Variants in SUPT3H observed in about 807,000 individuals in gnomAD.
SUPT3H encodes SPT3 homolog, SAGA and STAGA complex component.
In SUPT3H, 44 loss-of-function variants were observed where a neutral mutation model predicts 44.3. The observed-to-expected ratio is 0.99, with a 90% CI of 0.78 to 1.28. The LOEUF (loss-of-function observed/expected upper bound fraction) is 1.28. SUPT3H is among the 50% of genes most tolerant of loss of function. The pLI, the probability that SUPT3H is intolerant of heterozygous loss-of-function variation, is 0.00. For synonymous variants in SUPT3H, 124 were observed against 125.6 expected (o/e 0.99, Z 0.09); for missense variants, 380 against 387.1 (o/e 0.98, Z 0.15).
intron 10 of SUPT3H, among the ~76,000 whole-genome samples, chr6:44,857,564 C>CT (rs1401003979): frequency 6.6e-6 from 1 of 152,174 alleles, no homozygotes; most frequent in Admixed American, 6.5e-5. Context: ...TCCAGCTCTT[C>CT]TACAATGATT....
At chr6:45,229,235 A>G (rs965247482) in intron 2 of SUPT3H, among the ~76,000 whole-genome samples, 1 of 152,036 alleles carries the variant, frequency 6.6e-6, no homozygotes, top group African/African-American at 2.4e-5. Flanking sequence ...TGCAGTAACC[A>G]TTTTTACCAA....
At chr6:45,042,590 C>T (rs1788714630) in intron 3 of SUPT3H, among the ~76,000 whole-genome samples, 1 of 151,978 alleles carries the variant, frequency 6.6e-6, no homozygotes, top group Non-Finnish European at 1.5e-5. Flanking sequence ...TTTTAGGGTA[C>T]ATGTGCACAA....
chr6:44,971,868 G>T (rs1447985650), intron 6 of SUPT3H, among the ~76,000 whole-genome samples: 1 of 152,086 alleles, frequency 6.6e-6, no homozygotes, highest in Non-Finnish European at 1.5e-5. Flanking sequence ...CGCCTCCTGG[G>T]TTCATGCCAT....
intron 2 of SUPT3H, among the ~76,000 whole-genome samples, chr6:45,220,788 G>A (rs748053804): frequency 6.6e-6 from 1 of 152,202 alleles, no homozygotes; most frequent in Non-Finnish European, 1.5e-5. Context: ...GTTGGTGGGA[G>A]TTCAACCATT....
rs78402202 is a variant in SUPT3H at position 45,186,955 on chromosome 6, A to G, written c.102-80949T>C. ...TCATACACACACTATCCACTTCTTCATCAAACCTAGCACTAAAAGTACACA... is the reference window on the plus strand; with the variant it reads ...TCATACACACACTATCCACTTCTTCGTCAAACCTAGCACTAAAAGTACACA... On this transcript the variant is annotated intron_variant, in intron 2 of 10. Coordinates refer to ENST00000371459, the MANE Select transcript of SUPT3H (RefSeq NM_003599.4). Among the ~76,000 whole-genome samples the G allele has an allele frequency of 1.8e-3, 279 of 152,180 alleles. 9 individuals carry two copies. The East Asian group carries it at 0.045, about 25-fold the overall frequency.
At chr6:45,273,633 T>A (rs908297649) in intron 2 of SUPT3H, among the ~76,000 whole-genome samples, 1 of 152,234 alleles carries the variant, frequency 6.6e-6, no homozygotes, top group Non-Finnish European at 1.5e-5. Flanking sequence ...ACCCCTTGTA[T>A]ATCAGTAATT....
chr6:45,330,794 C>T (rs58769170), intron 2 of SUPT3H, among the ~76,000 whole-genome samples: 34,441 of 151,608 alleles, frequency 0.23, 4,590 homozygotes, highest in Non-Finnish European at 0.31. Flanking sequence ...CCGCCAGCCC[C>T]CAAACAGTAT....
At chr6:45,111,157 T>C (rs1186300195) in intron 2 of SUPT3H, among the ~76,000 whole-genome samples, 1 of 151,682 alleles carries the variant, frequency 6.6e-6, no homozygotes, top group Non-Finnish European at 1.5e-5. Flanking sequence ...CTCAGCCTCC[T>C]GAGTAGCTGG....
chr6:45,068,983 A>AT (rs1222244954), intron 3 of SUPT3H, among the ~76,000 whole-genome samples: 3 of 151,140 alleles, frequency 2.0e-5, no homozygotes, highest in South Asian at 2.1e-4. Flanking sequence ...TTTGCAAAAA[A>AT]AAAAAAATAA....
At chr6:45,117,646 T>C (rs2153577505) in intron 2 of SUPT3H, among the ~76,000 whole-genome samples, 1 of 152,092 alleles carries the variant, frequency 6.6e-6, no homozygotes, top group South Asian at 2.1e-4. Context: ...TAATCTAATT[T>C]GTCACCAAAA....
At chr6:44,914,395 G>C (rs762551974) in intron 10 of SUPT3H, among the ~76,000 whole-genome samples, 1 of 152,198 alleles carries the variant, frequency 6.6e-6, no homozygotes, top group Non-Finnish European at 1.5e-5. Context: ...CATGGTGCTA[G>C]GAGCTCAGCT....
chr6:45,304,769 C>A (rs1379812450), intron 2 of SUPT3H, among the ~76,000 whole-genome samples: 2 of 151,904 alleles, frequency 1.3e-5, no homozygotes, highest in African/African-American at 4.8e-5. Flanking sequence ...GGTAAGAATG[C>A]CAAAAATATC....
intron 1 of SUPT3H, among the ~76,000 whole-genome samples, chr6:45,375,476 T>C (rs1041202385): frequency 6.6e-6 from 1 of 152,246 alleles, no homozygotes; most frequent in Non-Finnish European, 1.5e-5. Context: ...TCTCTCCATC[T>C]GATTTAACTC....
intron 1 of SUPT3H, among the ~76,000 whole-genome samples, chr6:45,370,400 C>A (rs1208927088): frequency 1.3e-5 from 2 of 151,404 alleles, no homozygotes; most frequent in East Asian, 3.9e-4. Flanking sequence ...AAAAAAAAAA[C>A]AGTTCAGTTG....
chr6:45,028,450 ATT>A lies in SUPT3H; in HGVS notation c.187-7820_187-7819del, dbSNP rs34404703. 4.3e-3 allele frequency among the ~76,000 whole-genome samples: 640 copies of A among 147,844 alleles called. 2 individuals carry two copies. The highest frequency in any genetic ancestry group is 0.014 in the African/African-American group (560 of 40,388). On this transcript the variant is annotated intron_variant, in intron 3 of 10. Coordinates refer to ENST00000371459, the MANE Select transcript of SUPT3H (RefSeq NM_003599.4). Reference sequence around the variant, plus strand: ...CTGTCTACCCACTTTAAGCTTTCAGATTTTTTTTTTTTTGACAGTTCTCACCT... The same window carrying A: ...CTGTCTACCCACTTTAAGCTTTCAGATTTTTTTTTTTGACAGTTCTCACCT...
At chr6:44,897,560 C>T (rs754163619) in intron 10 of SUPT3H, among the ~76,000 whole-genome samples, 6 of 152,166 alleles carry the variant, frequency 3.9e-5, no homozygotes, top group Non-Finnish European at 5.9e-5. Flanking sequence ...ATGTGATGTA[C>T]TGGAACATCA....
At chr6:44,980,875 GT>G (rs1434555970) in intron 6 of SUPT3H, among the ~76,000 whole-genome samples, 1 of 152,188 alleles carries the variant, frequency 6.6e-6, no homozygotes, top group African/African-American at 2.4e-5. Flanking sequence ...AAATAACCAT[GT>G]CTAATAACTG....
At chr6:44,891,243 A>G (rs1487995407) in intron 10 of SUPT3H, among the ~76,000 whole-genome samples, 3 of 152,200 alleles carry the variant, frequency 2.0e-5, no homozygotes, top group African/African-American at 7.2e-5. Context: ...TAAAATGACC[A>G]TCTGATACAG....
At chr6:44,971,357 G>A (rs1168254301) in intron 6 of SUPT3H, among the ~76,000 whole-genome samples, 2 of 152,100 alleles carry the variant, frequency 1.3e-5, no homozygotes, top group East Asian at 3.9e-4. Flanking sequence ...CTGAGACTGG[G>A]TAATTTATAA....
Sources: allele counts gnomAD v4.1 joint callset (sites outside exome capture counted in the v4.1 genomes callset), GRCh38; gene constraint gnomAD v4.1.1; transcripts MANE v1.5; gene names NCBI Gene and HGNC (gene_info 2026-07-23, HGNC 2026-07-21).